The following SGMS1 variants were observed in gnomAD, a reference collection of about 807,000 sequenced individuals.
SGMS1 encodes the protein phosphatidylcholine:ceramide cholinephosphotransferase 1.
A neutral mutation model predicts 46.2 loss-of-function variants in SGMS1; 13 were observed. That is an observed-to-expected ratio of 0.28 (90% confidence interval 0.18 to 0.45). The LOEUF is 0.45. Ranked by LOEUF, SGMS1 falls within the 20% of genes least tolerant of loss-of-function variation. SGMS1 has a pLI of 1.00. For missense variants in SGMS1, 324 were observed against 519.9 expected (o/e 0.62, Z 3.66); for synonymous variants, 203 against 187.8 (o/e 1.08, Z -0.66).
At chr10:50,477,403 G>A (rs1228198083) in intron 3 of SGMS1, among the ~76,000 whole-genome samples, 2 of 152,198 alleles carry the variant, frequency 1.3e-5, no homozygotes, top group Non-Finnish European at 2.9e-5. Flanking sequence ...TAACTAACTT[G>A]TTTTTTATTT....
Position 50,442,383 on chromosome 10 carries a change from A to G in SGMS1, c.-312-8827T>C, listed in dbSNP as rs948292403. Among the ~76,000 whole-genome samples, 4 of 150,958 alleles carry G rather than the reference A, an allele frequency of 2.6e-5. 1 individual carries two copies. Among genetic ancestry groups the G allele is most frequent in the Admixed American group, 2.6e-4 (4 of 15,164 alleles). ...GTCCCAGTGTGTGTTGTTCACCTCT[A>G]TGTGTCCACGTGTTCTCATCATTCA... On this transcript the variant is annotated intron_variant, in intron 5 of 10. Coordinates refer to ENST00000361781, the MANE Select transcript of SGMS1 (RefSeq NM_147156.4).
chr10:50,318,908 C>T (rs1285720603), intron 8 of SGMS1, among the ~76,000 whole-genome samples: 2 of 152,076 alleles, frequency 1.3e-5, no homozygotes, highest in African/African-American at 4.8e-5. Context: ...ACTAATCTCC[C>T]ACCAGCCCCT....
chr10:50,350,720 G>C (rs768281364), intron 6 of SGMS1, among the ~76,000 whole-genome samples: 1 of 152,186 alleles, frequency 6.6e-6, no homozygotes, highest in Non-Finnish European at 1.5e-5. Context: ...TTGAGCCTGC[G>C]GGTGCACAGA....
chr10:50,513,829 G>C (rs1837777661), intron 3 of SGMS1, among the ~76,000 whole-genome samples: 2 of 152,112 alleles, frequency 1.3e-5, no homozygotes, highest in Admixed American at 1.3e-4. Context: ...TCAGAAACTA[G>C]AACTGGGTTA....
intron 3 of SGMS1, among the ~76,000 whole-genome samples, chr10:50,516,212 C>G (rs1038536220): frequency 6.6e-6 from 1 of 152,104 alleles, no homozygotes; most frequent in Admixed American, 6.6e-5. Flanking sequence ...CTTTGAAATA[C>G]TTTTTTCATG....
At chr10:50,495,642 C>G (rs1837608982) in intron 3 of SGMS1, among the ~76,000 whole-genome samples, 1 of 151,858 alleles carries the variant, frequency 6.6e-6, no homozygotes, top group South Asian at 2.1e-4. Flanking sequence ...TATAAAAGCT[C>G]TAAGGTTTAA....
At chr10:50,360,937 A>T (rs1271769833) in intron 6 of SGMS1, among the ~76,000 whole-genome samples, 1 of 152,250 alleles carries the variant, frequency 6.6e-6, no homozygotes, top group Non-Finnish European at 1.5e-5. Flanking sequence ...GAAAAGGGTG[A>T]GGCCGTGCTT....
At chr10:50,624,157 A>C (rs1345146015), upstream of SGMS1, 21 of 983,284 alleles carry the variant, frequency 2.1e-5, no homozygotes, top group Non-Finnish European at 2.4e-5. Flanking sequence ...AAGTAATGGG[A>C]AACTGAGGAG....
intron 3 of SGMS1, among the ~76,000 whole-genome samples, chr10:50,503,754 A>G (rs1312212450): frequency 6.6e-6 from 1 of 152,122 alleles, no homozygotes; most frequent in Non-Finnish European, 1.5e-5. Flanking sequence ...TTGGCCTTAG[A>G]CGACAAAGGC....
chr10:50,427,083 A>G (rs984481074), intron 6 of SGMS1, among the ~76,000 whole-genome samples: 3 of 152,226 alleles, frequency 2.0e-5, no homozygotes, highest in African/African-American at 7.2e-5. Context: ...AACAGAAAAA[A>G]TTAATGTATC....
intron 7 of SGMS1, chr10:50,334,606 C>T (rs769164940): frequency 3.9e-5 from 6 of 152,190 alleles, no homozygotes; most frequent in Non-Finnish European, 8.8e-5. Context: ...CCAGCAGTCA[C>T]TAACATTTAT....
At chr10:50,572,239 A>G (rs1311498071) in intron 2 of SGMS1, among the ~76,000 whole-genome samples, 8 of 152,206 alleles carry the variant, frequency 5.3e-5, no homozygotes, top group African/African-American at 7.2e-5. Flanking sequence ...CAAGGATACT[A>G]GAGTACTGTA....
At chr10:50,585,296 A>G (rs2131883021) in intron 2 of SGMS1, among the ~76,000 whole-genome samples, 1 of 152,328 alleles carries the variant, frequency 6.6e-6, no homozygotes, top group African/African-American at 2.4e-5. Flanking sequence ...AAGCACTTCA[A>G]AACTCATCCC....
intron 1 of SGMS1, among the ~76,000 whole-genome samples, chr10:50,597,793 AC>A (rs1838609023): frequency 6.6e-6 from 1 of 152,022 alleles, no homozygotes; most frequent in African/African-American, 2.4e-5. Flanking sequence ...CAGGTGGATC[AC>A]CTGAGGTTGG....
intron 2 of SGMS1, among the ~76,000 whole-genome samples, chr10:50,542,957 G>T (rs1313444279): frequency 6.6e-6 from 1 of 151,488 alleles, no homozygotes; most frequent in Non-Finnish European, 1.5e-5. Context: ...TGCCATCACT[G>T]TTTAGACTTG....
At chr10:50,452,301 A>C (rs1445247710) in intron 5 of SGMS1, among the ~76,000 whole-genome samples, 3 of 152,170 alleles carry the variant, frequency 2.0e-5, no homozygotes, top group Non-Finnish European at 4.4e-5. Context: ...CTCTTCACCT[A>C]ATCTGACTGT....
chr10:50,316,944 G>A (rs1410668684), intron 8 of SGMS1, among the ~76,000 whole-genome samples: 1 of 152,086 alleles, frequency 6.6e-6, no homozygotes, highest in African/African-American at 2.4e-5. Context: ...CCTCCTAACC[G>A]TGACACTTAG....
chr10:50,410,056 A>G (rs1849074940), intron 6 of SGMS1, among the ~76,000 whole-genome samples: 1 of 152,168 alleles, frequency 6.6e-6, no homozygotes, highest in African/African-American at 2.4e-5. Flanking sequence ...GGACACACTA[A>G]CTAGCAAAGT....
chr10:50,613,726 G>A (rs1838771296), intron 1 of SGMS1, among the ~76,000 whole-genome samples: 1 of 152,174 alleles, frequency 6.6e-6, no homozygotes, highest in African/African-American at 2.4e-5. Context: ...TAAATCCTGA[G>A]TTCCTACAAA....
Sources: allele counts gnomAD v4.1 joint callset (sites outside exome capture counted in the v4.1 genomes callset), GRCh38; gene constraint gnomAD v4.1.1; transcripts MANE v1.5; gene names NCBI Gene and HGNC (gene_info 2026-07-23, HGNC 2026-07-21).